ADAMTS17: variants seen among roughly 807,000 people sequenced by gnomAD.
ADAMTS17 encodes the protein A disintegrin and metalloproteinase with thrombospondin motifs 17.
Under a neutral mutation model 141.5 loss-of-function variants are expected in ADAMTS17, and 113 were observed. The observed-to-expected ratio is 0.80, with a 90% CI of 0.69 to 0.93. ADAMTS17 has a LOEUF of 0.93. ADAMTS17 is among the 40% of genes least tolerant of loss of function. ADAMTS17 has a pLI of 0.00. For missense variants in ADAMTS17, 1,659 were observed against 1,517.9 expected (o/e 1.09, Z -1.54); for synonymous variants, 768 against 630.6 (o/e 1.22, Z -3.27).
At chr15:100,205,247 C>T (rs915015189) in intron 7 of ADAMTS17, among the ~76,000 whole-genome samples, 1 of 152,138 alleles carries the variant, frequency 6.6e-6, no homozygotes, top group African/African-American at 2.4e-5. Flanking sequence ...GTCACTCCTA[C>T]AAGATAACAT....
intron 4 of ADAMTS17, among the ~76,000 whole-genome samples, chr15:100,279,713 T>C (rs1242090472): frequency 6.6e-6 from 1 of 152,162 alleles, no homozygotes; most frequent in Admixed American, 6.5e-5. Context: ...ACTCGGAACC[T>C]TCGCACCCCT....
Position 100,341,365 on chromosome 15 carries a change from G to C in ADAMTS17, c.124C>G (p.Arg42Gly). The C allele has an allele frequency of 9.8e-7, 1 of 1,017,952 alleles. No homozygotes were observed. Among genetic ancestry groups the C allele is most frequent in the Non-Finnish European group, 1.2e-6 (1 of 853,168 alleles). 63.1% of individuals were successfully genotyped at this position (1,017,952 alleles called of 1,614,324 possible). A position where few individuals can be genotyped will look rare whatever the true frequency, so the allele number is the denominator to read the frequency against. The change falls in exon 2 of 22, where the codon CGG becomes GGG. Residue 42 changes from arginine to glycine, a missense_variant. Arg to Gly is a moderately radical substitution (Grantham distance 125, BLOSUM62 -2). Transcript: ENST00000268070. ...AGGTGCACGTCGTCGGGGCGCACCC[G>C]CCACGGGAGCACCACCTCCACGTCG... The part of the protein sequence containing the change: ...AADVEVVLPW[R>G]VRPDDVHLPP...
In ADAMTS17 at chr15:99,997,608, G is replaced by T. The variant is rs375519462; in HGVS notation, c.2592-19C>A. On this transcript the variant is annotated intron_variant, in intron 18 of 21. Transcript: ENST00000268070. The surrounding 1 kb of genome is among the most constrained non-coding windows in gnomAD (Gnocchi z 4.7). ...CACCCACCTGCCAGACGGGAGGAAAGAGAGAGAGAACGACTGGGTGAGAGG... is the reference window on the plus strand; with the variant it reads ...CACCCACCTGCCAGACGGGAGGAAATAGAGAGAGAACGACTGGGTGAGAGG... The T allele has an allele frequency of 5.0e-6, 8 of 1,610,654 alleles. No individual in the cohort carries two copies. The Admixed American group carries it at 1.0e-4, about 20-fold the overall frequency.
chr15:100,094,029 A>G (rs1251315828), intron 15 of ADAMTS17, among the ~76,000 whole-genome samples: 1 of 151,876 alleles, frequency 6.6e-6, no homozygotes, highest in African/African-American at 2.4e-5. Context: ...CAGATTTTCA[A>G]TATATACAAT....
intron 15 of ADAMTS17, chr15:100,063,698 T>C: frequency 7.8e-7 from 1 of 1,289,858 alleles, no homozygotes; most frequent in Non-Finnish European, 1.0e-6. Flanking sequence ...TGTGGGCAGG[T>C]TTATCCTCCA....
At chr15:100,319,733 A>T (rs906164093) in intron 3 of ADAMTS17, among the ~76,000 whole-genome samples, 1 of 151,970 alleles carries the variant, frequency 6.6e-6, no homozygotes, top group Non-Finnish European at 1.5e-5. Context: ...GAAATTCAGA[A>T]GGTGGAATCA....
At chr15:100,077,234 A>G (rs1215091636) in intron 15 of ADAMTS17, among the ~76,000 whole-genome samples, 3 of 133,740 alleles carry the variant, frequency 2.2e-5, no homozygotes, top group Non-Finnish European at 4.6e-5. Flanking sequence ...ACTTGAGGCC[A>G]GGAGTTTGCA....
In ADAMTS17 at chr15:100,272,325, T is replaced by C. The variant is rs149401440; in HGVS notation, c.789+8904A>G. 3.1e-3 allele frequency among the ~76,000 whole-genome samples: 468 copies of C among 152,264 alleles called. 1 individual carries two copies. The highest frequency in any genetic ancestry group is 0.01 in the African/African-American group (417 of 41,566). On this transcript the variant is annotated intron_variant, in intron 4 of 21. Coordinates refer to ENST00000268070, the MANE Select transcript of ADAMTS17 (RefSeq NM_139057.4). The stretch of plus-strand genomic sequence containing the variant: ...GATATCTTAACAATAAGTCTTCCAC[T>C]CCATGAACATGATGGCTTTCCATTT...
At chr15:100,007,829 T>C (rs1199962587) in intron 18 of ADAMTS17, among the ~76,000 whole-genome samples, 1 of 151,892 alleles carries the variant, frequency 6.6e-6, no homozygotes, top group Non-Finnish European at 1.5e-5. Context: ...TGGAAAGTCA[T>C]GAGCAAAGGA....
intron 18 of ADAMTS17, among the ~76,000 whole-genome samples, chr15:100,015,878 T>TG (rs1440703109): frequency 3.3e-5 from 5 of 152,352 alleles, no homozygotes; most frequent in African/African-American, 1.2e-4. Context: ...ATTTCCCACG[T>TG]GTTCCTTGTG....
chr15:99,996,582 G>T (rs1249885969), intron 19 of ADAMTS17, among the ~76,000 whole-genome samples: 1 of 152,172 alleles, frequency 6.6e-6, no homozygotes, highest in African/African-American at 2.4e-5. Flanking sequence ...TTTTAGAGCA[G>T]CCAATGGCAG....
chr15:100,267,364 A>G (rs2043751710), intron 4 of ADAMTS17, among the ~76,000 whole-genome samples: 1 of 152,138 alleles, frequency 6.6e-6, no homozygotes, highest in Admixed American at 6.5e-5. Flanking sequence ...CGTTTTGTTT[A>G]TCTGCCCATC....
At chr15:100,140,484 C>CATATATATATATATATATATATAT (rs1164353969) in intron 10 of ADAMTS17, among the ~76,000 whole-genome samples, 494 of 40,482 alleles carry the variant, frequency 0.012, 11 homozygotes, top group Non-Finnish European at 0.013. Context: ...CACACACATA[C>CATATATATATATATATATATATAT]ATACATATAT....
chr15:100,182,644 T>C (rs746025570), intron 8 of ADAMTS17, among the ~76,000 whole-genome samples: 15 of 152,212 alleles, frequency 9.9e-5, no homozygotes, highest in Non-Finnish European at 1.8e-4. Flanking sequence ...GAGTGCTCAC[T>C]TGATTTTTGA....
chr15:100,098,181 C>T (rs2035877672), intron 14 of ADAMTS17, among the ~76,000 whole-genome samples: 2 of 152,168 alleles, frequency 1.3e-5, no homozygotes, highest in Admixed American at 6.5e-5. Flanking sequence ...CACATCAAGA[C>T]ACATATGGTA....
chr15:100,082,541 G>C (rs892688427), intron 15 of ADAMTS17, among the ~76,000 whole-genome samples: 2 of 151,736 alleles, frequency 1.3e-5, no homozygotes, highest in African/African-American at 4.8e-5. Flanking sequence ...ACACACCACC[G>C]TGTCTACCTG....
intron 10 of ADAMTS17, among the ~76,000 whole-genome samples, chr15:100,150,672 G>C (rs914568800): frequency 8.5e-5 from 13 of 152,120 alleles, no homozygotes; most frequent in Non-Finnish European, 1.3e-4. Flanking sequence ...TCTCTGCCCA[G>C]CCTCCACCAC....
At chr15:100,262,225 G>C in intron 5 of ADAMTS17, 127 bp downstream of exon 5, 1 of 841,584 alleles carries the variant, frequency 1.2e-6, no homozygotes, top group East Asian at 2.5e-5. Flanking sequence ...CTCTCACGCT[G>C]GCAAAGCCAC....
chr15:100,018,205 C>T (rs2141432437), intron 18 of ADAMTS17, among the ~76,000 whole-genome samples: 1 of 152,194 alleles, frequency 6.6e-6, no homozygotes, highest in Non-Finnish European at 1.5e-5. Flanking sequence ...AGCGTAATGT[C>T]CTCAATGTGC....
Sources: allele counts gnomAD v4.1 joint callset (sites outside exome capture counted in the v4.1 genomes callset), GRCh38; gene constraint gnomAD v4.1.1; non-coding constraint Gnocchi (gnomAD v3.1); transcripts MANE v1.5; gene names NCBI Gene and HGNC (gene_info 2026-07-23, HGNC 2026-07-21).